The following CRYL1 variants were observed in gnomAD, a reference collection of about 807,000 sequenced individuals.
The protein encoded by CRYL1 is crystallin lambda 1.
CRYL1 carries 29 observed loss-of-function variants against 36.6 expected under a neutral mutation model. The observed-to-expected ratio is 0.79, with a 90% CI of 0.59 to 1.08. The LOEUF (loss-of-function observed/expected upper bound fraction) is 1.08. CRYL1 is among the 50% of genes least tolerant of loss of function. The pLI, the probability that CRYL1 is intolerant of heterozygous loss-of-function variation, is 0.00. For synonymous variants in CRYL1, 152 were observed against 151.5 expected, an observed-to-expected ratio of 1.00 and a Z score of -0.02; for missense variants, 411 against 407.9, an observed-to-expected ratio of 1.01 and a Z score of -0.06.
intron 3 of CRYL1, among the ~76,000 whole-genome samples, chr13:20,480,759 T>G (rs796747484): frequency 1.3e-5 from 2 of 152,220 alleles, no homozygotes; most frequent in South Asian, 4.1e-4. Context: ...CCATGTTTAG[T>G]CCTCACCTGC....
At chr13:20,451,987 C>T (rs796643014) in intron 3 of CRYL1, among the ~76,000 whole-genome samples, 32 of 152,054 alleles carry the variant, frequency 2.1e-4, no homozygotes, top group African/African-American at 6.5e-4. Context: ...TTTACAGAAA[C>T]ATGGCTGCAG....
intron 3 of CRYL1, among the ~76,000 whole-genome samples, chr13:20,464,355 C>G (rs1010212764): frequency 2.0e-5 from 3 of 152,174 alleles, no homozygotes; most frequent in African/African-American, 7.2e-5. Flanking sequence ...GATTGTGCCA[C>G]TGCACTTTAG....
chr13:20,454,188 TG>T (rs1022813619), intron 3 of CRYL1, among the ~76,000 whole-genome samples: 1 of 151,914 alleles, frequency 6.6e-6, no homozygotes, highest in African/African-American at 2.4e-5. Flanking sequence ...AGACATTACA[TG>T]GGGAAAAAAA....
chr13:20,422,316 C>T (rs931441898), intron 5 of CRYL1, among the ~76,000 whole-genome samples: 14 of 150,476 alleles, frequency 9.3e-5, no homozygotes, highest in Admixed American at 2.0e-4. Context: ...GCCGAGATCA[C>T]GCCATTGCAC....
intron 3 of CRYL1, among the ~76,000 whole-genome samples, chr13:20,460,006 C>A (rs1593459015): frequency 6.6e-6 from 1 of 152,282 alleles, no homozygotes; most frequent in Non-Finnish European, 1.5e-5. Flanking sequence ...TTTATACAAA[C>A]ACATATACAA....
chr13:20,407,394 T>C (rs768701306), intron 6 of CRYL1, among the ~76,000 whole-genome samples: 1 of 152,070 alleles, frequency 6.6e-6, no homozygotes, highest in Non-Finnish European at 1.5e-5. Flanking sequence ...AGTAAACTTA[T>C]GACTGTGACT....
intron 3 of CRYL1, among the ~76,000 whole-genome samples, chr13:20,456,100 C>T (rs1161526431): frequency 2.0e-5 from 3 of 152,140 alleles, no homozygotes; most frequent in East Asian, 1.9e-4. Context: ...TGGATCATAG[C>T]CATACATGTA....
chr13:20,425,676 T>C lies in CRYL1; in HGVS notation c.633+6426A>G, dbSNP rs2031916593. ...ATGTGAGAGAAATGTAAGCGGTAGT[T>C]ACAGCAGCAAATTTAAACATTTTAG... On this transcript the variant is annotated intron_variant, in intron 5 of 7. Coordinates refer to ENST00000298248, the MANE Select transcript of CRYL1 (RefSeq NM_015974.3). The surrounding 1 kb of genome is among the most constrained non-coding windows in gnomAD (Gnocchi z 4.4). 6.6e-6 allele frequency among the ~76,000 whole-genome samples: 1 copy of C among 152,202 alleles called. No homozygotes were observed. Among genetic ancestry groups the C allele is most frequent in the Admixed American group, 6.5e-5 (1 of 15,280 alleles).
intron 2 of CRYL1, among the ~76,000 whole-genome samples, chr13:20,491,837 CA>C (rs1357821406): frequency 6.6e-6 from 1 of 152,066 alleles, no homozygotes; most frequent in Non-Finnish European, 1.5e-5. Context: ...GAAAAATATA[CA>C]AAACCAAATA....
At chr13:20,509,440 A>G (rs2033873520) in intron 2 of CRYL1, among the ~76,000 whole-genome samples, 1 of 152,168 alleles carries the variant, frequency 6.6e-6, no homozygotes, top group African/African-American at 2.4e-5. Context: ...TCAAAATCTC[A>G]GGATCCTTCA....
intron 2 of CRYL1, among the ~76,000 whole-genome samples, chr13:20,505,728 G>A (rs1242456528): frequency 2.6e-5 from 4 of 152,200 alleles, no homozygotes; most frequent in Admixed American, 2.6e-4. Flanking sequence ...AGATGCCTGT[G>A]GACACAAGCT....
chr13:20,409,295 A>G (rs1261309965), intron 6 of CRYL1, among the ~76,000 whole-genome samples: 1 of 149,210 alleles, frequency 6.7e-6, no homozygotes, highest in Non-Finnish European at 1.5e-5. Context: ...CTGGCTAGCC[A>G]TAGGTAGAAA....
chr13:20,488,804 G>C (rs2033450226), intron 3 of CRYL1, among the ~76,000 whole-genome samples: 1 of 152,248 alleles, frequency 6.6e-6, no homozygotes, highest in Non-Finnish European at 1.5e-5. Flanking sequence ...GGAGCGGGAT[G>C]CCTGGAAAGA....
At chr13:20,502,692 A>T in intron 2 of CRYL1, among the ~76,000 whole-genome samples, 1 of 152,154 alleles carries the variant, frequency 6.6e-6, no homozygotes, top group South Asian at 2.1e-4. Flanking sequence ...CCTCCAGGCC[A>T]GTGGTAACAC....
rs1219303698 is a variant in CRYL1, at chr13:20,489,243, A to T, written c.276+127T>A. 2.6e-6 allele frequency: 3 copies of T among 1,146,506 alleles called. No homozygotes were observed. In the East Asian group the frequency reaches 7.3e-5, roughly 28 times the overall value. The allele number at this position is 1,146,506 out of a possible 1,614,324, so 71.0% of individuals were successfully genotyped here. ...TCACATTTCCTATCACATAAAACAA[A>T]ATCCTGCCCTTGAAGATGCAAAATG... On this transcript the variant is annotated intron_variant, in intron 3 of 7. Transcript: ENST00000298248.
rs78386442 is a variant in CRYL1, at chr13:20,521,509, T to A, written c.41+4245A>T. Among the ~76,000 whole-genome samples the A allele has an allele frequency of 5.9e-3, 906 of 152,310 alleles. 33 individuals are homozygous for A. In the South Asian group the frequency reaches 0.1, roughly 18 times the overall value. On this transcript the variant is annotated intron_variant, in intron 1 of 7. Coordinates refer to ENST00000298248, the MANE Select transcript of CRYL1 (RefSeq NM_015974.3). ...TAATTAACTTCCTGTCCTGAGAGCT[T>A]GTGACATCTTATTGGCCTTTTTTCC...
At chr13:20,477,590 C>T (rs963254281) in intron 3 of CRYL1, among the ~76,000 whole-genome samples, 7 of 149,134 alleles carry the variant, frequency 4.7e-5, no homozygotes, top group African/African-American at 1.7e-4. Context: ...GAGATTGACA[C>T]ACAGTAGGTA....
chr13:20,405,288 G>A (rs2031339031), intron 6 of CRYL1, among the ~76,000 whole-genome samples: 1 of 151,158 alleles, frequency 6.6e-6, no homozygotes, highest in Non-Finnish European at 1.5e-5. Context: ...AAAAAAAAGT[G>A]CCAGGTCCCT....
chr13:20,481,867 C>T lies in CRYL1; in HGVS notation c.276+7503G>A, dbSNP rs2033285630. On this transcript the variant is annotated intron_variant, in intron 3 of 7. Coordinates refer to ENST00000298248, the MANE Select transcript of CRYL1 (RefSeq NM_015974.3). The surrounding 1 kb of genome is among the most constrained non-coding windows in gnomAD (Gnocchi z 4.1). ...CAGAGGTTGCAGTGAATCAAGATCG[C>T]ACCACTGCACTCCAGCCTGGGTGAC... is the stretch of plus-strand genomic sequence containing the variant. 6.6e-6 allele frequency among the ~76,000 whole-genome samples: 1 copy of T among 152,122 alleles called. No individual in the cohort carries two copies. Among genetic ancestry groups the T allele is most frequent in the South Asian group, 2.1e-4 (1 of 4,830 alleles).
Sources: gnomAD v4.1 joint callset for allele counts (sites outside exome capture counted in the v4.1 genomes callset) on GRCh38, gnomAD v4.1.1 for gene constraint, Gnocchi (gnomAD v3.1) non-coding constraint, MANE v1.5 for transcripts, NCBI Gene and HGNC (gene_info 2026-07-23, HGNC 2026-07-21) for gene names.